Variants in KHDRBS2 observed in about 807,000 individuals in gnomAD.
KHDRBS2 encodes KH RNA binding domain containing, signal transduction associated 2, also known as KH domain-containing, RNA-binding, signal transduction-associated protein 2.
Under a neutral mutation model 44.3 loss-of-function variants are expected in KHDRBS2, and 26 were observed. The observed-to-expected ratio is 0.59, with a 90% CI of 0.43 to 0.81. The LOEUF (loss-of-function observed/expected upper bound fraction) is 0.81, where lower values mean the gene tolerates loss of function less well. KHDRBS2 is among the 40% of genes least tolerant of loss of function. The pLI, the probability that KHDRBS2 is intolerant of heterozygous loss-of-function variation, is 0.00. For missense variants in KHDRBS2, 476 were observed against 433.1 expected (o/e 1.10, Z -0.88); for synonymous variants, 194 against 151.1 (o/e 1.28, Z -2.08).
chr6:62,092,151 C>A (rs1382184313), intron 2 of KHDRBS2, among the ~76,000 whole-genome samples: 2 of 151,602 alleles, frequency 1.3e-5, no homozygotes, highest in Non-Finnish European at 2.9e-5. Context: ...CAGCTTCCAC[C>A]AGCTCTCTAC....
intron 3 of KHDRBS2, among the ~76,000 whole-genome samples, chr6:61,981,375 TCAGAATAATTTC>T (rs1215458228): frequency 5.3e-5 from 8 of 152,158 alleles, no homozygotes; most frequent in East Asian, 1.9e-4. Context: ...CTGTGTCTTA[TCAGAATAATTTC>T]CTACGCTTTA....
At chr6:61,554,756 T>C in the KHDRBS2 span, among the ~76,000 whole-genome samples, 1 of 152,206 alleles carries the variant, frequency 6.6e-6, no homozygotes, top group South Asian at 2.1e-4. Context: ...TTATTTCTTC[T>C]TCACTTATGA....
chr6:61,569,549 C>T, the KHDRBS2 span, among the ~76,000 whole-genome samples: 4 of 152,154 alleles, frequency 2.6e-5, no homozygotes, highest in African/African-American at 9.7e-5. Context: ...CAGCTAATTC[C>T]ACTGCCTGCA....
At chr6:61,850,280 T>C (rs1025718707) in intron 6 of KHDRBS2, among the ~76,000 whole-genome samples, 2 of 152,088 alleles carry the variant, frequency 1.3e-5, no homozygotes, top group African/African-American at 4.8e-5. Context: ...TTTTAATATA[T>C]CTCAGCTATC....
chr6:61,651,264 A>T, the KHDRBS2 span, among the ~76,000 whole-genome samples: 2 of 151,868 alleles, frequency 1.3e-5, no homozygotes, highest in African/African-American at 2.4e-5. Flanking sequence ...TTGGATTTCA[A>T]TTTTTTTTAG....
At chr6:62,081,586 T>C (rs1309546212) in intron 2 of KHDRBS2, among the ~76,000 whole-genome samples, 1 of 152,100 alleles carries the variant, frequency 6.6e-6, no homozygotes, top group Non-Finnish European at 1.5e-5. Context: ...AAGTTCTCTG[T>C]TAAAGCAGAT....
chr6:61,883,638 T>C (rs542013042), intron 6 of KHDRBS2, among the ~76,000 whole-genome samples: 1 of 152,162 alleles, frequency 6.6e-6, no homozygotes, highest in African/African-American at 2.4e-5. Context: ...TACATAACTA[T>C]GGGAAATAAA....
rs1348085542 is a variant in KHDRBS2, at chr6:61,680,560, C to T, written c.*403G>A. The T allele has an allele frequency of 2.0e-5, 3 of 150,896 alleles. No homozygotes were observed. Among genetic ancestry groups the T allele is most frequent in the Non-Finnish European group, 2.9e-5 (2 of 68,390 alleles). 9.3% of individuals were successfully genotyped at this position (150,896 alleles called of 1,614,324 possible). On this transcript the variant is annotated 3_prime_UTR_variant, in exon 9 of 9. Coordinates refer to ENST00000281156, the MANE Select transcript of KHDRBS2 (RefSeq NM_152688.4). ...ATCAGCTAGTTCAAAAATCATATTA[C>T]AGTCTTTTAGCAACCCTAAACAAAG...
At chr6:61,606,205 A>C in the KHDRBS2 span, among the ~76,000 whole-genome samples, 1 of 152,114 alleles carries the variant, frequency 6.6e-6, no homozygotes, top group East Asian at 1.9e-4. Context: ...GCCTGCACCC[A>C]GGTGATTAAA....
intron 6 of KHDRBS2, among the ~76,000 whole-genome samples, chr6:61,760,753 G>A (rs975317462): frequency 1.1e-4 from 16 of 152,182 alleles, no homozygotes; most frequent in African/African-American, 2.2e-4. Context: ...TGAAAACACC[G>A]AATCACAGAA....
chr6:61,869,001 G>A (rs944387408), intron 6 of KHDRBS2, among the ~76,000 whole-genome samples: 1 of 152,162 alleles, frequency 6.6e-6, no homozygotes, highest in African/African-American at 2.4e-5. Flanking sequence ...CCTGATCCGA[G>A]GGTTGCAAGG....
At chr6:62,054,389 G>T (rs1454015439) in intron 2 of KHDRBS2, among the ~76,000 whole-genome samples, 2 of 152,048 alleles carry the variant, frequency 1.3e-5, no homozygotes, top group South Asian at 2.1e-4. Flanking sequence ...ATGTTAAAAT[G>T]ACATTTGACA....
intron 1 of KHDRBS2, among the ~76,000 whole-genome samples, chr6:62,203,864 G>A (rs573124055): frequency 1.3e-5 from 2 of 152,208 alleles, no homozygotes; most frequent in East Asian, 3.9e-4. Flanking sequence ...ATTCTGGAAG[G>A]CCTAATGGCA....
chr6:62,057,154 TG>T (rs1790476174), intron 2 of KHDRBS2, among the ~76,000 whole-genome samples: 1 of 151,934 alleles, frequency 6.6e-6, no homozygotes, highest in Admixed American at 6.6e-5. Flanking sequence ...TCTTTTAATG[TG>T]CATGTTTTAA....
At chr6:61,765,305 T>C (rs1451671936) in intron 6 of KHDRBS2, among the ~76,000 whole-genome samples, 3 of 151,984 alleles carry the variant, frequency 2.0e-5, no homozygotes, top group Non-Finnish European at 4.4e-5. Flanking sequence ...AAGTTAAAAT[T>C]AGCTGAATAT....
Position 61,978,099 on chromosome 6 carries a change from A to C in KHDRBS2, c.450T>G (p.His150Gln). 6.2e-7 allele frequency: 1 copy of C among 1,609,078 alleles called. No homozygotes were observed. The highest frequency in any genetic ancestry group is 1.3e-5 in the African/African-American group (1 of 74,732). ...GGAATTTTTTAATCTCTTCCAATGCATGACTCATACGTGAATAAGCTTCCC... is the reference window on the plus strand; with the variant it reads ...GGAATTTTTTAATCTCTTCCAATGCCTGACTCATACGTGAATAAGCTTCCC... ...PPGEAYSRMS[H>Q]ALEEIKKFLV... The change falls in exon 4 of 9, where the codon CAT becomes CAG. Residue 150 changes from histidine (H) to glutamine (Q), a missense_variant. Transcript: ENST00000281156.
chr6:61,598,759 A>G, the KHDRBS2 span, among the ~76,000 whole-genome samples: 838 of 150,890 alleles, frequency 5.6e-3, 6 homozygotes, highest in African/African-American at 0.019. Context: ...TCCTTGACCT[A>G]GAATCAAAGC....
chr6:62,166,324 A>G (rs1562986201), intron 2 of KHDRBS2, among the ~76,000 whole-genome samples: 1 of 152,006 alleles, frequency 6.6e-6, no homozygotes. Context: ...ACAGTTTTCC[A>G]ATTGGTATTC....
chr6:62,278,654 T>C (rs1194491588), intron 1 of KHDRBS2, among the ~76,000 whole-genome samples: 1 of 152,162 alleles, frequency 6.6e-6, no homozygotes, highest in Non-Finnish European at 1.5e-5. Flanking sequence ...ATAAGAAGAC[T>C]TTCTTTTCTA....
Sources: gnomAD v4.1 joint callset for allele counts (sites outside exome capture counted in the v4.1 genomes callset) on GRCh38, gnomAD v4.1.1 for gene constraint, MANE v1.5 for transcripts, NCBI Gene and HGNC (gene_info 2026-07-23, HGNC 2026-07-21) for gene names.